The following RBMS1 variants were observed in gnomAD, a reference collection of about 807,000 sequenced individuals.
RBMS1 encodes RNA-binding motif, single-stranded-interacting protein 1.
In RBMS1, 17 loss-of-function variants were observed where a neutral mutation model predicts 62.3. The ratio of observed to expected loss-of-function variants is 0.27; its 90% CI spans 0.19 to 0.41. The LOEUF is 0.41. RBMS1 is among the 10% of genes least tolerant of loss of function. RBMS1 has a pLI of 1.00. For missense variants in RBMS1, 334 were observed against 504.5 expected (o/e 0.66, Z 3.24); for synonymous variants, 172 against 170.0 (o/e 1.01, Z -0.09).
Position 160,274,502 on chromosome 2 carries a change from A to G in RBMS1, c.*270T>C, listed in dbSNP as rs543298509. The G allele has an allele frequency of 1.3e-4, 20 of 148,838 alleles. No individual in the cohort carries two copies. The highest frequency in any genetic ancestry group is 2.5e-4 in the Non-Finnish European group (17 of 67,114). 9.2% of individuals were successfully genotyped at this position (148,838 alleles called of 1,614,324 possible). On this transcript the variant is annotated 3_prime_UTR_variant, in exon 14 of 14. Transcript: ENST00000348849. ...CTTTTTTTGCATCATAACATTTGAT[A>G]AAAATCTTTTGTTTTTGTTTTTTGT...
rs1695573607 is a variant in RBMS1 at position 160,404,126 on chromosome 2, T to G, written c.76-36735A>C. On this transcript the variant is annotated intron_variant, in intron 1 of 13. Transcript: ENST00000348849. ...GTCAACAGTAATAGAACGTACACAT[T>G]TGTCCACTGAGACTTGAACCAATCA... Among the ~76,000 whole-genome samples, 3 of 152,320 alleles carry G rather than the reference T, an allele frequency of 2.0e-5. 1 individual carries two copies. In the South Asian group the frequency reaches 6.2e-4, roughly 32 times the overall value.
At chr2:160,319,069 C>A (rs911292637) in intron 2 of RBMS1, among the ~76,000 whole-genome samples, 1 of 152,090 alleles carries the variant, frequency 6.6e-6, no homozygotes, top group African/African-American at 2.4e-5. Context: ...CTACTGAAAA[C>A]GAAGCGACAG....
intron 1 of RBMS1, among the ~76,000 whole-genome samples, chr2:160,390,060 C>T (rs2105208814): frequency 6.6e-6 from 1 of 152,318 alleles, no homozygotes. Context: ...ATTACAAGAA[C>T]TCACTCCCAT....
At chr2:160,282,355 C>T (rs1688144531) in intron 9 of RBMS1, 2 of 1,350,338 alleles carry the variant, frequency 1.5e-6, no homozygotes, top group Non-Finnish European at 2.0e-6. Flanking sequence ...TTTCAGTTAT[C>T]TGGACTGTAG....
chr2:160,471,387 T>A (rs1280439586), intron 1 of RBMS1, among the ~76,000 whole-genome samples: 1 of 152,074 alleles, frequency 6.6e-6, no homozygotes, highest in Non-Finnish European at 1.5e-5. Context: ...GTATACATAT[T>A]AAAACTAGGA....
chr2:160,289,951 A>G (rs1688595685), intron 6 of RBMS1, among the ~76,000 whole-genome samples: 1 of 150,102 alleles, frequency 6.7e-6, no homozygotes, highest in South Asian at 2.3e-4. Flanking sequence ...GACTTATTGT[A>G]ATTGATATGT....
chr2:160,358,375 G>A (rs188151559), intron 2 of RBMS1, among the ~76,000 whole-genome samples: 310 of 152,210 alleles, frequency 2.0e-3, no homozygotes, highest in Non-Finnish European at 3.7e-3. Context: ...ACTGCACATC[G>A]TATAGATCAC....
intron 1 of RBMS1, among the ~76,000 whole-genome samples, chr2:160,471,691 G>GTGCGTATATATATATATATA (rs1275928756): frequency 7.6e-5 from 5 of 65,948 alleles, no homozygotes; most frequent in African/African-American, 1.9e-4. Flanking sequence ...ATCCTTTGGT[G>GTGCGTATATATATATATATA]TATATATATA....
intron 1 of RBMS1, among the ~76,000 whole-genome samples, chr2:160,367,719 C>G (rs6722321): frequency 6.6e-6 from 1 of 152,000 alleles, no homozygotes; most frequent in Non-Finnish European, 1.5e-5. Flanking sequence ...CATCTTAATA[C>G]ACAGTAATTT....
At chr2:160,278,910 C>G (rs947867763) in intron 10 of RBMS1, 1 of 334,342 alleles carries the variant, frequency 3.0e-6, no homozygotes, top group Non-Finnish European at 5.5e-6. Context: ...TGTATTAAAG[C>G]CAGTGTCCCT....
intron 2 of RBMS1, among the ~76,000 whole-genome samples, chr2:160,349,760 A>T (rs981211807): frequency 6.6e-6 from 1 of 151,278 alleles, no homozygotes; most frequent in Admixed American, 6.6e-5. Context: ...GCTTATAATA[A>T]GCAAAAATAA....
At chr2:160,342,516 G>A (rs1461017136) in intron 2 of RBMS1, among the ~76,000 whole-genome samples, 2 of 151,944 alleles carry the variant, frequency 1.3e-5, no homozygotes, top group East Asian at 1.9e-4. Flanking sequence ...TAGCATTTCA[G>A]AAAGGAAAAT....
intron 6 of RBMS1, among the ~76,000 whole-genome samples, chr2:160,297,729 A>G (rs902336084): frequency 1.3e-5 from 2 of 152,320 alleles, no homozygotes; most frequent in Admixed American, 6.5e-5. Context: ...AAGGGAACCA[A>G]AGGGATCTGG....
At chr2:160,436,102 T>C (rs1450176405) in intron 1 of RBMS1, among the ~76,000 whole-genome samples, 1 of 152,226 alleles carries the variant, frequency 6.6e-6, no homozygotes, top group African/African-American at 2.4e-5. Flanking sequence ...GTAACTGTGA[T>C]AGATAATCTC....
intron 1 of RBMS1, among the ~76,000 whole-genome samples, chr2:160,429,306 C>A (rs543164832): frequency 1.3e-5 from 2 of 152,200 alleles, no homozygotes; most frequent in Admixed American, 1.3e-4. Flanking sequence ...AAGGACCCAC[C>A]ATAACTCACA....
At chr2:160,328,913 C>G (rs558226147) in intron 2 of RBMS1, among the ~76,000 whole-genome samples, 5 of 152,238 alleles carry the variant, frequency 3.3e-5, no homozygotes, top group African/African-American at 1.2e-4. Context: ...TCATTCAAAA[C>G]AAGAACAGCA....
intron 2 of RBMS1, among the ~76,000 whole-genome samples, chr2:160,338,796 G>A (rs1691712129): frequency 6.6e-6 from 1 of 152,048 alleles, no homozygotes; most frequent in Non-Finnish European, 1.5e-5. Flanking sequence ...GAGAAGACAG[G>A]GTGTGCACAG....
chr2:160,410,705 G>A (rs1695991748), intron 1 of RBMS1, among the ~76,000 whole-genome samples: 1 of 152,116 alleles, frequency 6.6e-6, no homozygotes, highest in Non-Finnish European at 1.5e-5. Flanking sequence ...AAGTTATCAT[G>A]GTAAAAACGG....
At chr2:160,383,964 G>A (rs1051608336) in intron 1 of RBMS1, among the ~76,000 whole-genome samples, 34 of 152,320 alleles carry the variant, frequency 2.2e-4, no homozygotes, top group African/African-American at 7.2e-4. Context: ...TTGGGAGACC[G>A]AGGCAGGCAG....
Sources: allele counts gnomAD v4.1 joint callset (sites outside exome capture counted in the v4.1 genomes callset), GRCh38; gene constraint gnomAD v4.1.1; transcripts MANE v1.5; gene names NCBI Gene and HGNC (gene_info 2026-07-23, HGNC 2026-07-21).